MAML3: variants seen among roughly 807,000 people sequenced by gnomAD.
MAML3 encodes the protein mastermind-like protein 3.
MAML3 carries 27 observed loss-of-function variants against 101.9 expected under a neutral mutation model. The observed-to-expected ratio is 0.27, with a 90% CI of 0.20 to 0.37. The LOEUF is 0.37. MAML3 is among the 10% of genes least tolerant of loss of function. The probability of loss-of-function intolerance (pLI) is 1.00; values close to 1 mark genes in which losing one functional copy is unlikely to be tolerated. For missense variants in MAML3, 1,316 were observed against 1,444.9 expected (o/e 0.91, Z 1.45); for synonymous variants, 501 against 555.9 (o/e 0.90, Z 1.39).
intron 1 of MAML3, among the ~76,000 whole-genome samples, chr4:140,017,269 A>C (rs939148910): frequency 1.3e-5 from 2 of 152,206 alleles, no homozygotes; most frequent in African/African-American, 4.8e-5. Flanking sequence ...TACACTTAGC[A>C]GAATGGCTAA....
At chr4:139,832,094 CTTTTTTTTTTTTTT>C (rs70943444) in intron 2 of MAML3, among the ~76,000 whole-genome samples, 1,470 of 64,796 alleles carry the variant, frequency 0.023, 70 homozygotes, top group African/African-American at 0.057. Context: ...TGCCCAGCCC[CTTTTTTTTTTTTTT>C]TTTTTTTTTT....
chr4:139,735,107 C>G lies in MAML3; in HGVS notation c.2080-4440G>C, dbSNP rs541895298. Among the ~76,000 whole-genome samples the G allele has an allele frequency of 1.3e-3, 204 of 152,304 alleles. No homozygotes were observed. The highest frequency in any genetic ancestry group is 4.7e-3 in the African/African-American group (195 of 41,576). On this transcript the variant is annotated intron_variant, in intron 2 of 4. Transcript: ENST00000509479. This position sits in a 1 kb window ranked among gnomAD's most constrained non-coding sequence, Gnocchi z 5.8. Reference sequence around the variant, plus strand: ...GCCCCGCGCGTCTGGGCGAGCGCTGCGAACGTGGAGCCAGGCAGTCAAGTG... The same window carrying G: ...GCCCCGCGCGTCTGGGCGAGCGCTGGGAACGTGGAGCCAGGCAGTCAAGTG...
chr4:139,727,211 G>A (rs1447801202), intron 3 of MAML3, among the ~76,000 whole-genome samples: 1 of 152,174 alleles, frequency 6.6e-6, no homozygotes, highest in African/African-American at 2.4e-5. Context: ...AACAGCCTCT[G>A]ACTCGTTGAC....
chr4:139,912,490 G>T (rs138832512), intron 1 of MAML3, among the ~76,000 whole-genome samples: 1 of 152,168 alleles, frequency 6.6e-6, no homozygotes, highest in African/African-American at 2.4e-5. Flanking sequence ...GTTAAATTGC[G>T]TCCTCCCCAG....
intron 2 of MAML3, among the ~76,000 whole-genome samples, chr4:139,751,156 A>G (rs964506623): frequency 6.6e-6 from 1 of 152,208 alleles, no homozygotes; most frequent in Admixed American, 6.5e-5. Flanking sequence ...CCTCTGAAAA[A>G]TATCTCTCCC....
intron 2 of MAML3, among the ~76,000 whole-genome samples, chr4:139,824,923 A>C (rs1384570953): frequency 6.6e-6 from 1 of 151,894 alleles, no homozygotes; most frequent in African/African-American, 2.4e-5. Flanking sequence ...CAGAATAAGT[A>C]AAAAAGGACC....
At chr4:139,784,693 T>G (rs1038131172) in intron 2 of MAML3, among the ~76,000 whole-genome samples, 6 of 152,218 alleles carry the variant, frequency 3.9e-5, no homozygotes, top group African/African-American at 1.4e-4. Flanking sequence ...TTCTCTCCAT[T>G]CTTCTGAAGG....
chr4:139,733,524 G>T (rs1174772858), intron 2 of MAML3, among the ~76,000 whole-genome samples: 2 of 149,236 alleles, frequency 1.3e-5, no homozygotes, highest in Non-Finnish European at 3.0e-5. Context: ...GTGTCTTCCT[G>T]GGCCAAGAAG....
intron 1 of MAML3, among the ~76,000 whole-genome samples, chr4:139,928,617 A>G (rs1227907225): frequency 6.6e-6 from 1 of 152,194 alleles, no homozygotes; most frequent in Non-Finnish European, 1.5e-5. Flanking sequence ...CTTGAGTAAA[A>G]GCACAAAAAG....
chr4:139,942,155 A>T (rs958697277), intron 1 of MAML3, among the ~76,000 whole-genome samples: 4 of 148,268 alleles, frequency 2.7e-5, no homozygotes, highest in Non-Finnish European at 4.5e-5. Context: ...AGAAGGAAGG[A>T]CGGAGGGAGG....
At chr4:139,876,073 C>T (rs1444672582) in intron 2 of MAML3, among the ~76,000 whole-genome samples, 1 of 151,734 alleles carries the variant, frequency 6.6e-6, no homozygotes. Context: ...GTGGCTGGTC[C>T]GAATTGGGCT....
chr4:140,136,525 C>T (rs550308145), intron 1 of MAML3, among the ~76,000 whole-genome samples: 64 of 152,244 alleles, frequency 4.2e-4, no homozygotes, highest in East Asian at 5.8e-4. Flanking sequence ...CATAATCAAC[C>T]GCTTATACTT....
intron 1 of MAML3, among the ~76,000 whole-genome samples, chr4:140,085,250 T>C (rs1727932782): frequency 6.6e-6 from 1 of 152,154 alleles, no homozygotes; most frequent in Non-Finnish European, 1.5e-5. Context: ...AAACGGGTAA[T>C]GGGTAGTTAA....
At chr4:139,976,232 C>T (rs542099653) in intron 1 of MAML3, among the ~76,000 whole-genome samples, 4 of 152,260 alleles carry the variant, frequency 2.6e-5, no homozygotes, top group East Asian at 3.9e-4. Flanking sequence ...AAGACAGATC[C>T]TGTTCTTCTG....
intron 1 of MAML3, among the ~76,000 whole-genome samples, chr4:139,914,982 T>C (rs1733000218): frequency 6.8e-6 from 1 of 146,754 alleles, no homozygotes. Context: ...TGTGATTTTA[T>C]GCCTGCTTAA....
chr4:139,834,560 G>C (rs532212714), intron 2 of MAML3, among the ~76,000 whole-genome samples: 1 of 152,296 alleles, frequency 6.6e-6, no homozygotes, highest in South Asian at 2.1e-4. Flanking sequence ...AGTAGGTCTG[G>C]GCTAGGGCCT....
At chr4:139,873,881 A>C (rs775944943) in intron 2 of MAML3, among the ~76,000 whole-genome samples, 16 of 152,152 alleles carry the variant, frequency 1.1e-4, no homozygotes, top group Non-Finnish European at 1.3e-4. Context: ...TAAGATAATA[A>C]ATGTTTGTTG....
intron 2 of MAML3, among the ~76,000 whole-genome samples, chr4:139,884,922 TA>T (rs1732296523): frequency 6.6e-6 from 1 of 152,200 alleles, no homozygotes; most frequent in South Asian, 2.1e-4. Flanking sequence ...AGTGTGTGTG[TA>T]AGAGAGAAGA....
chr4:140,029,724 T>A (rs530964959), intron 1 of MAML3, among the ~76,000 whole-genome samples: 2 of 152,344 alleles, frequency 1.3e-5, no homozygotes, highest in African/African-American at 4.8e-5. Flanking sequence ...ATTACATAAA[T>A]GCCACTTTTA....
Sources: gnomAD v4.1 joint callset for allele counts (sites outside exome capture counted in the v4.1 genomes callset) on GRCh38, gnomAD v4.1.1 for gene constraint, Gnocchi (gnomAD v3.1) non-coding constraint, MANE v1.5 for transcripts, NCBI Gene and HGNC (gene_info 2026-07-23, HGNC 2026-07-21) for gene names.